Variants in GNAQ observed in about 807,000 individuals in gnomAD.
The protein encoded by GNAQ is G protein subunit alpha q, also known as guanine nucleotide-binding protein G(q) subunit alpha.
In GNAQ, 8 loss-of-function variants were observed where a neutral mutation model predicts 43.9. That is an observed-to-expected ratio of 0.18 (90% CI 0.11 to 0.33). The LOEUF is 0.33. Ranked by LOEUF, GNAQ falls within the 10% of genes least tolerant of loss-of-function variation. The pLI, the probability that GNAQ is intolerant of heterozygous loss-of-function variation, is 1.00. For missense variants in GNAQ, 158 were observed against 450.8 expected, an observed-to-expected ratio of 0.35 and a Z score of 5.88; for synonymous variants, 155 against 170.7, an observed-to-expected ratio of 0.91 and a Z score of 0.71.
At chr9:77,793,072 G>A (rs1472850021) in intron 5 of GNAQ, among the ~76,000 whole-genome samples, 2 of 152,058 alleles carry the variant, frequency 1.3e-5, no homozygotes, top group African/African-American at 4.8e-5. Context: ...GAATAGATCT[G>A]CTCCCAAAAT....
Position 77,721,492 on chromosome 9 carries a change from G to A in GNAQ, c.911C>T (p.Ala304Val), listed in dbSNP as rs777546823. 1.2e-6 allele frequency: 2 copies of A among 1,611,104 alleles called. No homozygotes were observed. Among genetic ancestry groups the A allele is most frequent in the Admixed American group, 1.7e-5 (1 of 59,774 alleles). The change falls in exon 7 of 7, where the codon GCA becomes GTA. Residue 304 changes from alanine to valine, a missense_variant. Physicochemically the swap from Ala to Val is moderately conservative, Grantham distance 64. Around this residue, in one of 9 missense-constraint regions of GNAQ, gnomAD observed 56 missense variants for 172.2 expected, o/e 0.33. Transcript: ENST00000286548. ...CATCTTCAGAATGAATTCTCGGGCT[G>A]CCTGGGCATCTCTCTGGGGTCCTTT... ...EYDGPQRDAQ[A>V]AREFILKMFV... is the part of the protein sequence containing the mutation.
intron 5 of GNAQ, among the ~76,000 whole-genome samples, chr9:77,768,649 C>A (rs1490535000): frequency 1.3e-5 from 2 of 152,196 alleles, no homozygotes; most frequent in Non-Finnish European, 2.9e-5. Flanking sequence ...GAGGTGTTTT[C>A]TGAAGAAATC....
At chr9:77,961,684 C>T (rs1823109164) in intron 1 of GNAQ, among the ~76,000 whole-genome samples, 2 of 152,168 alleles carry the variant, frequency 1.3e-5, no homozygotes, top group South Asian at 4.1e-4. Flanking sequence ...AAAAGCAAGA[C>T]TACAAATTAC....
At chr9:77,979,275 G>C (rs183083462) in intron 1 of GNAQ, among the ~76,000 whole-genome samples, 135 of 150,750 alleles carry the variant, frequency 9.0e-4, no homozygotes, top group African/African-American at 3.2e-3. Context: ...AGAATTGCTT[G>C]AACACAGGAG....
In GNAQ at chr9:77,845,448, T is replaced by G. The variant is rs77994735; in HGVS notation, c.322-29678A>C. Among the ~76,000 whole-genome samples the G allele has an allele frequency of 8.0e-4, 122 of 152,330 alleles. 1 individual carries two copies. In the East Asian group the frequency reaches 0.02, roughly 25 times the overall value. ...AAAAAATGTAGGTTACATTGGTAAA[T>G]ATCTGCAGAACACATGAGAAAATCT... On this transcript the variant is annotated intron_variant, in intron 2 of 6. Transcript: ENST00000286548.
intron 2 of GNAQ, among the ~76,000 whole-genome samples, chr9:77,851,413 A>C (rs1827674678): frequency 6.6e-6 from 1 of 152,186 alleles, no homozygotes; most frequent in African/African-American, 2.4e-5. Flanking sequence ...GCATATTCTG[A>C]GTATTTCTGC....
intron 1 of GNAQ, among the ~76,000 whole-genome samples, chr9:77,973,623 C>A (rs1823265225): frequency 6.6e-6 from 1 of 152,158 alleles, no homozygotes; most frequent in African/African-American, 2.4e-5. Context: ...TCAAGACCTG[C>A]CTGGCCAACA....
intron 1 of GNAQ, among the ~76,000 whole-genome samples, chr9:78,005,831 C>T (rs1021553293): frequency 3.3e-5 from 5 of 152,178 alleles, no homozygotes; most frequent in Non-Finnish European, 7.3e-5. Flanking sequence ...ACTCGCCCGT[C>T]TCAGCATATA....
At chr9:77,942,586 C>G (rs1354036331) in intron 1 of GNAQ, among the ~76,000 whole-genome samples, 1 of 152,072 alleles carries the variant, frequency 6.6e-6, no homozygotes, top group Non-Finnish European at 1.5e-5. Flanking sequence ...TAAGGCATTC[C>G]CAATAGATTT....
At chr9:77,944,817 A>G (rs1829364076) in intron 1 of GNAQ, among the ~76,000 whole-genome samples, 1 of 152,228 alleles carries the variant, frequency 6.6e-6, no homozygotes, top group South Asian at 2.1e-4. Context: ...TGGAGTGACA[A>G]GAAGATCTGA....
chr9:77,770,599 A>G (rs1826209092), intron 5 of GNAQ, among the ~76,000 whole-genome samples: 1 of 152,176 alleles, frequency 6.6e-6, no homozygotes, highest in African/African-American at 2.4e-5. Flanking sequence ...TGAAATTCCA[A>G]CCTGTGAATC....
rs942615028 is a variant in GNAQ, at chr9:77,986,653, G to GC, written c.136+44446dup. Reference sequence around the variant, plus strand: ...CCCAAGTAGCTGGGACTACAGGTGTGCATCAACATGTCCAGCTAATTTTTT... The same window carrying GC: ...CCCAAGTAGCTGGGACTACAGGTGTGCCATCAACATGTCCAGCTAATTTTTT... On this transcript the variant is annotated intron_variant, in intron 1 of 6. Transcript: ENST00000286548. 9.9e-5 allele frequency among the ~76,000 whole-genome samples: 15 copies of GC among 152,122 alleles called. No individual in the cohort carries two copies. In the East Asian group the frequency reaches 2.1e-3, roughly 22 times the overall value.
At chr9:78,008,932 TAAA>T (rs1230546162) in intron 1 of GNAQ, among the ~76,000 whole-genome samples, 1 of 152,222 alleles carries the variant, frequency 6.6e-6, no homozygotes, top group Non-Finnish European at 1.5e-5. Flanking sequence ...TCGAATTTCT[TAAA>T]GAAGAAATTT....
At chr9:77,775,470 C>T (rs1443847582) in intron 5 of GNAQ, among the ~76,000 whole-genome samples, 2 of 143,038 alleles carry the variant, frequency 1.4e-5, no homozygotes, top group South Asian at 2.2e-4. Flanking sequence ...AGTACAGTGG[C>T]GTGATATCAG....
chr9:77,825,082 T>C (rs1488207829), intron 2 of GNAQ, among the ~76,000 whole-genome samples: 1 of 152,230 alleles, frequency 6.6e-6, no homozygotes, highest in Admixed American at 6.5e-5. Flanking sequence ...TGGTTGATTA[T>C]ATTCATGGCT....
intron 2 of GNAQ, among the ~76,000 whole-genome samples, chr9:77,877,502 G>T (rs1828142846): frequency 6.6e-6 from 1 of 152,130 alleles, no homozygotes; most frequent in African/African-American, 2.4e-5. Flanking sequence ...CATTTATTGA[G>T]ACTCCTGTAT....
chr9:77,801,430 T>G (rs74395919), intron 3 of GNAQ, among the ~76,000 whole-genome samples: 1,861 of 152,304 alleles, frequency 0.012, 37 homozygotes, highest in African/African-American at 0.041. Flanking sequence ...ACTGAGCACC[T>G]GATGCCTGCC....
At position 77,926,511 on chromosome 9, in the gene GNAQ, A is replaced by G. The variant is rs146926710; in HGVS notation, c.137-4166T>C. 2.5e-3 allele frequency among the ~76,000 whole-genome samples: 384 copies of G among 152,318 alleles called. 3 individuals carry two copies. Among genetic ancestry groups the G allele is most frequent in the African/African-American group, 8.8e-3 (366 of 41,574 alleles). On this transcript the variant is annotated intron_variant, in intron 1 of 6. Transcript: ENST00000286548. ...GCAATGAAAAGCACAAATAACTCTG[A>G]CCAATCTAAAGAAATATGACTCTGC...
chr9:77,767,513 G>C (rs1348993205), intron 5 of GNAQ, among the ~76,000 whole-genome samples: 1 of 152,182 alleles, frequency 6.6e-6, no homozygotes, highest in Non-Finnish European at 1.5e-5. Flanking sequence ...AAGGCACTCA[G>C]ATCTACACTG....
Sources: allele counts gnomAD v4.1 joint callset (sites outside exome capture counted in the v4.1 genomes callset), GRCh38; gene constraint gnomAD v4.1.1; regional missense constraint gnomAD v4.1.1; transcripts MANE v1.5; gene names NCBI Gene and HGNC (gene_info 2026-07-23, HGNC 2026-07-21).